Variants in FASN observed in about 807,000 individuals in gnomAD.
The protein encoded by FASN is 3-hydroxyacyl-[acyl-carrier-protein] dehydratase.
FASN carries 50 observed loss-of-function variants against 250.0 expected under a neutral mutation model. The observed-to-expected ratio is 0.20, with a 90% confidence interval of 0.16 to 0.25. The LOEUF (loss-of-function observed/expected upper bound fraction) is 0.25. Ranked by LOEUF, FASN falls within the 10% of genes least tolerant of loss-of-function variation. FASN has a pLI of 1.00. For synonymous variants in FASN, 1,909 were observed against 1,584.0 expected (o/e 1.21, Z -4.87); for missense variants, 3,031 against 3,498.5 (o/e 0.87, Z 3.37).
chr17:82,090,276 T>A (rs1410874341), intron 11 of FASN, 99 bp downstream of exon 11: 2 of 1,256,250 alleles, frequency 1.6e-6, no homozygotes, highest in African/African-American at 3.0e-5. Flanking sequence ...GGGGCCACTC[T>A]ATCCTACGGG....
Position 82,080,875 on chromosome 17 carries a change from T to A in FASN, c.6643A>T (p.Thr2215Ser), listed in dbSNP as rs2033975158. The A allele has an allele frequency of 1.2e-6, 2 of 1,611,234 alleles. No individual in the cohort carries two copies. Among genetic ancestry groups the A allele is most frequent in the East Asian group, 4.5e-5 (2 of 44,826 alleles). Residue 2215 changes from threonine (T) to serine (S), a missense_variant, in exon 39 of 43, where the codon ACT becomes TCT. Thr to Ser is a moderately conservative substitution (Grantham distance 58, BLOSUM62 1). Transcript: ENST00000306749. Reference sequence around the variant, plus strand: ...AGCAGGGAGCGCAGGTTCAGCTGAGTCTGCTGCTGGGCCAGACCATCCTCC... The same window carrying A: ...AGCAGGGAGCGCAGGTTCAGCTGAGACTGCTGCTGGGCCAGACCATCCTCC... ...PKEDGLAQQQ[T>S]QLNLRSLLVN...
At position 82,084,004 on chromosome 17, in the gene FASN, C is replaced by T. The variant is rs957256504; in HGVS notation, c.5069G>A (p.Ser1690Asn). The change falls in exon 29 of 43, where the codon AGT becomes AAT. Residue 1690 changes from serine to asparagine, a missense_variant. Ser to Asn is a conservative substitution (Grantham distance 46, BLOSUM62 1). Transcript: ENST00000306749. ...GGTGGTGAAGACGCGGCAGCCCAGA[C>T]TGAGGGCGATGGCGATGGCGGCCTG... ...VGQAAIAIAL[S>N]LGCRVFTTVG... The T allele has an allele frequency of 6.5e-7, 1 of 1,539,194 alleles. No individual in the cohort carries two copies. The highest frequency in any genetic ancestry group is 8.7e-7 in the Non-Finnish European group (1 of 1,145,470).
rs2034041913 is a variant in FASN at position 82,084,060 on chromosome 17, C to T, written c.5013G>A (p.Leu1671=). The change falls in exon 29 of 43, where the codon CTG becomes CTA. Residue 1671 remains leucine (L), a synonymous_variant. Transcript: ENST00000306749. ...CGCCGCCCGAGCCCGAGTGGATGAG[C>T]AGCGTCTCCCCGGGGCGCACCCGCC... ...VRGRVRPGET[L]LIHSGSGGVG... is the part of the protein sequence containing the mutation. 1.3e-6 allele frequency: 2 copies of T among 1,547,976 alleles called. No homozygotes were observed. The highest frequency in any genetic ancestry group is 1.4e-5 in the African/African-American group (1 of 73,248).
chr17:82,093,011 A>G lies in FASN; in HGVS notation c.664T>C (p.Tyr222His). The change falls in exon 6 of 43, where the codon TAC becomes CAC. Residue 222 changes from tyrosine (Y) to histidine (H), a missense_variant. Transcript: ENST00000306749. ...GCCACCACACCCTCCGAGCGGCAGT[A>G]CCCATTCCCTGGGTAGAGCAGCACC... ...CKAFDTAGNG[Y>H]CRSEGVVAVL... The G allele has an allele frequency of 6.2e-7, 1 of 1,611,850 alleles. No individual in the cohort carries two copies.
At chr17:82,079,320 T>C (rs1006840038) in intron 42 of FASN, 37 bp downstream of exon 42, 22 of 1,612,678 alleles carry the variant, frequency 1.4e-5, no homozygotes, top group Non-Finnish European at 1.7e-5. Flanking sequence ...ACCCCACTCC[T>C]GTCCCTGTCC....
chr17:82,087,146 C>A lies in FASN; in HGVS notation c.3331G>T (p.Val1111Leu). 1.9e-6 allele frequency: 3 copies of A among 1,610,696 alleles called. No individual in the cohort carries two copies. In the African/African-American group the frequency reaches 4.0e-5, roughly 21 times the overall value. Residue 1111 changes from valine to leucine, a missense_variant, in exon 21 of 43, where the codon GTG (valine) becomes TTG (leucine). Transcript: ENST00000306749. ...AAGCAAAACTTCTCCAGGATGGGCA[C>A]CTGCTGCTCCTGCTGCCGCCGCGGG... ...SAPRRQQEQQ[V>L]PILEKFCFTP...
chr17:82,083,669 A>T (rs959205121), intron 30 of FASN, 30 bp from the exon 31 acceptor site: 2 of 1,602,888 alleles, frequency 1.2e-6, no homozygotes, highest in Non-Finnish European at 1.7e-6. Context: ...AGACAATCAC[A>T]CCCACTGCAA....
chr17:82,088,852 G>A lies in FASN; in HGVS notation c.2329C>T (p.Pro777Ser), dbSNP rs2034152412. ...ATCAGGGGGATGATGGTGCAGCTCG[G>A]CTTCAGGCCACGCTTCAGGACAGCC... ...LQAVLKRGLK[P>S]SCTIIPLMKK... The change falls in exon 15 of 43, where the codon CCG (proline) becomes TCG (serine). Residue 777 changes from proline (P) to serine (S), a missense_variant. By Grantham distance (74) the Pro-to-Ser change is moderately conservative (BLOSUM62 -1). Coordinates refer to ENST00000306749, the MANE Select transcript of FASN (RefSeq NM_004104.5). The A allele has an allele frequency of 1.2e-6, 2 of 1,612,438 alleles. No homozygotes were observed. Among genetic ancestry groups the A allele is most frequent in the Middle Eastern group, 1.6e-4 (1 of 6,078 alleles).
intron 42 of FASN, 33 bp downstream of exon 42, chr17:82,079,324 C>T (rs541356726): frequency 6.2e-7 from 1 of 1,613,028 alleles, no homozygotes; most frequent in African/African-American, 1.3e-5. Context: ...CACTCCTGTC[C>T]CTGTCCCCGT....
At position 82,080,880 on chromosome 17, in the gene FASN, T is replaced by A. The variant is rs142275662; in HGVS notation, c.6638A>T (p.Gln2213Leu). 1 of 1,611,132 alleles carries A rather than the reference T, an allele frequency of 6.2e-7. No individual in the cohort carries two copies. The highest frequency in any genetic ancestry group is 1.3e-5 in the African/African-American group (1 of 74,920). ...PTPKEDGLAQ[Q>L]QTQLNLRSLL... is the part of the protein sequence containing the mutation. Reference sequence around the variant, plus strand: ...GGAGCGCAGGTTCAGCTGAGTCTGCTGCTGGGCCAGACCATCCTCCTTGGG... The same window carrying A: ...GGAGCGCAGGTTCAGCTGAGTCTGCAGCTGGGCCAGACCATCCTCCTTGGG... Residue 2213 changes from glutamine to leucine, a missense_variant, in exon 39 of 43, where the codon CAG (glutamine) becomes CTG (leucine). Coordinates refer to ENST00000306749, the MANE Select transcript of FASN (RefSeq NM_004104.5).
intron 3 of FASN, among the ~76,000 whole-genome samples, chr17:82,094,995 C>T (rs1226188650): frequency 1.3e-5 from 2 of 151,850 alleles, no homozygotes; most frequent in East Asian, 3.9e-4. Flanking sequence ...GGGTGGGGGC[C>T]TGGAGGGCCC....
chr17:82,082,425 C>T lies in FASN; in HGVS notation c.5920-11G>A, dbSNP rs1169699709. The T allele has an allele frequency of 1.2e-6, 2 of 1,612,402 alleles. No individual in the cohort carries two copies. ...GCCATCTCTCAAGACCTGGGGGAGGCATCCTCAGCACTCCCTGCAGCTCCA... is the reference window on the plus strand; with the variant it reads ...GCCATCTCTCAAGACCTGGGGGAGGTATCCTCAGCACTCCCTGCAGCTCCA... On this transcript the variant is annotated splice_polypyrimidine_tract_variant and intron_variant, in intron 34 of 42. Coordinates refer to ENST00000306749, the MANE Select transcript of FASN (RefSeq NM_004104.5).
chr17:82,095,772 C>T (rs1258062974), intron 2 of FASN, among the ~76,000 whole-genome samples: 3 of 152,196 alleles, frequency 2.0e-5, no homozygotes, highest in Non-Finnish European at 2.9e-5. Flanking sequence ...GCTGGTGCCT[C>T]GGCTCTACCA....
intron 11 of FASN, 77 bp downstream of exon 11, chr17:82,090,298 G>A (rs2034179615): frequency 2.1e-6 from 3 of 1,420,908 alleles, no homozygotes; most frequent in East Asian, 4.9e-5. Flanking sequence ...GCCAGGCCAG[G>A]GCTGCAGGTG....
intron 1 of FASN, chr17:82,096,669 G>A (rs1174869256): frequency 2.6e-5 from 17 of 651,376 alleles, no homozygotes; most frequent in South Asian, 1.0e-4. Context: ...GAACAGGCCC[G>A]CCTCTGGGCC....
At position 82,092,579 on chromosome 17, in the gene FASN, G is replaced by C. The variant is rs1375667595; in HGVS notation, c.905C>G (p.Pro302Arg). Residue 302 changes from proline to arginine, a missense_variant, in exon 8 of 43, where the codon CCC becomes CGC. Physicochemically the swap from Pro to Arg is moderately radical, Grantham distance 103 (BLOSUM62 -2). Coordinates refer to ENST00000306749, the MANE Select transcript of FASN (RefSeq NM_004104.5). ...AHGTGTKVGD[P>R]QELNGITRAL... is the part of the protein sequence containing the mutation. Reference sequence around the variant, plus strand: ...TCGGGTGATGCCATTCAGCTCCTGGGGGTCGCCCACCTGTGGGAAACATGG... The same window carrying C: ...TCGGGTGATGCCATTCAGCTCCTGGCGGTCGCCCACCTGTGGGAAACATGG... The C allele has an allele frequency of 6.2e-7, 1 of 1,607,092 alleles. No homozygotes were observed. The highest frequency in any genetic ancestry group is 8.5e-7 in the Non-Finnish European group (1 of 1,179,644).
Position 82,093,286 on chromosome 17 carries a change from G to A in FASN, c.588C>T (p.Thr196=), listed in dbSNP as rs1290407825. The change falls in exon 5 of 43, where the codon ACC becomes ACT. Residue 196 remains threonine (T), a synonymous_variant. Transcript: ENST00000306749. Reference sequence around the variant, plus strand: ...TCCCCAGCCTCAAGAACTGCACGGAGGTGTTGGGCTTCAGCAGGACATTGA... The same window carrying A: ...TCCCCAGCCTCAAGAACTGCACGGAAGTGTTGGGCTTCAGCAGGACATTGA... ...GGINVLLKPN[T]SVQFLRLGML... is the part of the protein sequence containing the mutation. 1.9e-6 allele frequency: 3 copies of A among 1,597,244 alleles called. No homozygotes were observed. The highest frequency in any genetic ancestry group is 2.3e-5 in the East Asian group (1 of 44,240).
intron 30 of FASN, 41 bp from the exon 31 acceptor site, chr17:82,083,680 G>A (rs1483472699): frequency 9.4e-6 from 15 of 1,603,676 alleles, no homozygotes; most frequent in Non-Finnish European, 1.3e-5. Flanking sequence ...CCCACTGCAA[G>A]CCCAGCCACC....
rs774461894 is a variant in FASN, at chr17:82,093,038, C to G, written c.656-19G>C. On this transcript the variant is annotated intron_variant, in intron 5 of 42. Coordinates refer to ENST00000306749, the MANE Select transcript of FASN (RefSeq NM_004104.5). ...CCATTCCCTGGGTAGAGCAGCACCT[C>G]AGGCCCGGGGCTCAGCCCCACGCCG... 1 of 1,610,952 alleles carries G rather than the reference C, an allele frequency of 6.2e-7. No individual in the cohort carries two copies. The highest frequency in any genetic ancestry group is 8.5e-7 in the Non-Finnish European group (1 of 1,179,658).
Sources: allele counts gnomAD v4.1 joint callset (sites outside exome capture counted in the v4.1 genomes callset), GRCh38; gene constraint gnomAD v4.1.1; transcripts MANE v1.5; gene names NCBI Gene and HGNC (gene_info 2026-07-23, HGNC 2026-07-21).